ANKRD31: variants seen among roughly 807,000 people sequenced by gnomAD.
ANKRD31 encodes the protein ankyrin repeat domain-containing protein 31.
In ANKRD31, 147 loss-of-function variants were observed where a neutral mutation model predicts 186.0. The observed-to-expected ratio is 0.79, with a 90% CI of 0.69 to 0.91. The LOEUF (loss-of-function observed/expected upper bound fraction) is 0.91, where lower values mean the gene tolerates loss of function less well. ANKRD31 is among the 40% of genes least tolerant of loss of function. ANKRD31 has a pLI of 0.00. For synonymous variants in ANKRD31, 673 were observed against 736.4 expected (o/e 0.91, Z 1.39); for missense variants, 1,986 against 2,148.8 (o/e 0.92, Z 1.50).
chr5:75,235,463 C>T (rs1013545901), intron 1 of ANKRD31, among the ~76,000 whole-genome samples: 6 of 152,062 alleles, frequency 3.9e-5, no homozygotes, highest in Non-Finnish European at 8.8e-5. Flanking sequence ...CATTTATTGA[C>T]GAGTTTCAGT....
intron 20 of ANKRD31, 124 bp from the exon 21 acceptor site, chr5:75,107,741 A>G: frequency 1.7e-6 from 1 of 585,486 alleles, no homozygotes; most frequent in East Asian, 2.9e-5. Flanking sequence ...CCCCAATATT[A>G]ATAGCCCAGA....
At chr5:75,222,757 C>T (rs1325765672) in intron 2 of ANKRD31, among the ~76,000 whole-genome samples, 1 of 152,188 alleles carries the variant, frequency 6.6e-6, no homozygotes, top group Non-Finnish European at 1.5e-5. Context: ...CAGCTTCATC[C>T]ATGTCCCTGC....
intron 5 of ANKRD31, among the ~76,000 whole-genome samples, chr5:75,202,216 T>G (rs1755866822): frequency 6.6e-6 from 1 of 152,250 alleles, no homozygotes; most frequent in Non-Finnish European, 1.5e-5. Flanking sequence ...AATAAATCTC[T>G]TCAAATATTT....
intron 23 of ANKRD31, among the ~76,000 whole-genome samples, chr5:75,086,334 C>G (rs1580294453): frequency 6.6e-6 from 1 of 152,082 alleles, no homozygotes; most frequent in South Asian, 2.1e-4. Flanking sequence ...AATGAATAGA[C>G]CTCAGAATGA....
chr5:75,107,322 C>T (rs1430405286), intron 21 of ANKRD31, among the ~76,000 whole-genome samples, 199 bp downstream of exon 21: 2 of 151,916 alleles, frequency 1.3e-5, no homozygotes, highest in East Asian at 1.9e-4. Context: ...TTTTGACTAT[C>T]CCAAGTAATA....
intron 20 of ANKRD31, among the ~76,000 whole-genome samples, chr5:75,108,099 T>C (rs1747478528): frequency 6.6e-6 from 1 of 151,946 alleles, no homozygotes; most frequent in African/African-American, 2.4e-5. Flanking sequence ...ACAAGGGTGG[T>C]TACTGTTAAT....
intron 22 of ANKRD31, among the ~76,000 whole-genome samples, chr5:75,098,283 G>A (rs575841305): frequency 2.4e-4 from 37 of 152,208 alleles, no homozygotes; most frequent in Admixed American, 4.6e-4. Flanking sequence ...CACCGTGCCC[G>A]GCCTATATCT....
At chr5:75,127,095 G>A (rs763326452) in intron 17 of ANKRD31, among the ~76,000 whole-genome samples, 8 of 150,076 alleles carry the variant, frequency 5.3e-5, no homozygotes, top group Non-Finnish European at 1.0e-4. Context: ...TGAGGCAGGA[G>A]AATCACCTGA....
At chr5:75,138,639 G>T (rs1476525647) in intron 16 of ANKRD31, among the ~76,000 whole-genome samples, 1 of 152,046 alleles carries the variant, frequency 6.6e-6, no homozygotes, top group African/African-American at 2.4e-5. Flanking sequence ...CTCCCAAATG[G>T]ATGTTAAAAA....
intron 17 of ANKRD31, among the ~76,000 whole-genome samples, chr5:75,134,947 G>T (rs949009075): frequency 1.3e-5 from 2 of 152,084 alleles, no homozygotes; most frequent in Admixed American, 1.3e-4. Flanking sequence ...TGCAGAAAAG[G>T]CCTGCAACAA....
intron 24 of ANKRD31, among the ~76,000 whole-genome samples, chr5:75,083,836 G>A (rs1745277141): frequency 6.6e-6 from 1 of 152,148 alleles, no homozygotes; most frequent in Non-Finnish European, 1.5e-5. Context: ...TCACAAAAAG[G>A]AATGAAGTAT....
chr5:75,206,435 A>T lies in ANKRD31; in HGVS notation c.379T>A (p.Ser127Thr). The part of the protein sequence containing the change: ...FIGSFRQSGL[S>T]LNHQNIEGPE... ...CCTTCAATATTTTGGTGGTTCAATG[A>T]AAGTCCAGACTGGCGAAACGACCCA... Residue 127 changes from serine (S) to threonine (T), a missense_variant, in exon 5 of 26, where the codon TCA becomes ACA. Ser to Thr is a moderately conservative substitution (Grantham distance 58, BLOSUM62 1). Transcript: ENST00000506364. 1 of 1,485,398 alleles carries T rather than the reference A, an allele frequency of 6.7e-7. No homozygotes were observed. The highest frequency in any genetic ancestry group is 8.9e-7 in the Non-Finnish European group (1 of 1,125,744). 92.0% of individuals were successfully genotyped at this position (1,485,398 alleles called of 1,614,324 possible).
At chr5:75,226,258 C>T (rs1757623365) in intron 2 of ANKRD31, among the ~76,000 whole-genome samples, 1 of 152,214 alleles carries the variant, frequency 6.6e-6, no homozygotes, top group Admixed American at 6.5e-5. Flanking sequence ...GGGAAGGACA[C>T]AAGCCTGGCT....
chr5:75,145,435 C>G (rs890286569), intron 14 of ANKRD31, among the ~76,000 whole-genome samples: 6 of 151,962 alleles, frequency 3.9e-5, no homozygotes, highest in Admixed American at 1.3e-4. Context: ...ATGTCCTTTT[C>G]AGGGACATGA....
Position 75,193,584 on chromosome 5 carries a change from T to C in ANKRD31, c.1025A>G (p.Gln342Arg), listed in dbSNP as rs1170821702. 2 of 1,533,626 alleles carry C rather than the reference T, an allele frequency of 1.3e-6. No individual in the cohort carries two copies. The highest frequency in any genetic ancestry group is 3.9e-5 in the Admixed American group (2 of 50,760). The change falls in exon 8 of 26, where the codon CAA (glutamine) becomes CGA (arginine). Residue 342 changes from glutamine (Q) to arginine (R), a missense_variant. By Grantham distance (43) the Gln-to-Arg change is conservative. Coordinates refer to ENST00000506364, the MANE Select transcript of ANKRD31 (RefSeq NM_001372053.1). ...TTGCAATCCAGATGGATTTGGGTCT[T>C]GCAGAGTCTGCAAATACGTAAATAC... ...EDCTQIAETL[Q>R]DPNPSGLQTL...
intron 25 of ANKRD31, among the ~76,000 whole-genome samples, chr5:75,076,282 G>T (rs1744642078): frequency 6.6e-6 from 1 of 152,098 alleles, no homozygotes; most frequent in South Asian, 2.1e-4. Flanking sequence ...TCAGTTACTG[G>T]GTTGCCCACA....
At chr5:75,217,279 G>C (rs772726945) in intron 3 of ANKRD31, among the ~76,000 whole-genome samples, 1 of 152,146 alleles carries the variant, frequency 6.6e-6, no homozygotes, top group African/African-American at 2.4e-5. Context: ...GAATCTCTTT[G>C]TTAATTTTCT....
chr5:75,109,027 A>G (rs1747556698), intron 20 of ANKRD31, among the ~76,000 whole-genome samples: 2 of 152,198 alleles, frequency 1.3e-5, no homozygotes, highest in African/African-American at 2.4e-5. Flanking sequence ...ATATTAATCA[A>G]TGGTATATTA....
At chr5:75,111,170 T>C (rs1335966641) in intron 20 of ANKRD31, among the ~76,000 whole-genome samples, 1 of 150,608 alleles carries the variant, frequency 6.6e-6, no homozygotes, top group Non-Finnish European at 1.5e-5. Context: ...AAGAGTTTTA[T>C]TGAGGTCCAA....
Sources: gnomAD v4.1 joint callset for allele counts (sites outside exome capture counted in the v4.1 genomes callset) on GRCh38, gnomAD v4.1.1 for gene constraint, MANE v1.5 for transcripts, NCBI Gene and HGNC (gene_info 2026-07-23, HGNC 2026-07-21) for gene names.